The following TMTC4 variants were observed in gnomAD, a reference collection of about 807,000 sequenced individuals.
The protein encoded by TMTC4 is transmembrane O-mannosyltransferase targeting cadherins 4, also known as protein O-mannosyl-transferase TMTC4.
Under a neutral mutation model 86.0 loss-of-function variants are expected in TMTC4, and 65 were observed. The ratio of observed to expected loss-of-function variants is 0.76; its 90% CI spans 0.62 to 0.93. The LOEUF (loss-of-function observed/expected upper bound fraction) is 0.93. TMTC4 is among the 40% of genes least tolerant of loss of function. TMTC4 has a pLI of 0.00. For missense variants in TMTC4, 866 were observed against 948.1 expected, an observed-to-expected ratio of 0.91 and a Z score of 1.14; for synonymous variants, 379 against 382.5, an observed-to-expected ratio of 0.99 and a Z score of 0.11.
chr13:100,635,543 GAT>G (rs1317974983), intron 10 of TMTC4: 1 of 166,604 alleles, frequency 6.0e-6, no homozygotes, highest in African/African-American at 2.4e-5. Context: ...CAGTTCAGTG[GAT>G]ATTGTTGGTC....
At chr13:100,632,053 A>ACACACACACACACACACACT (rs1296569630) in intron 12 of TMTC4, among the ~76,000 whole-genome samples, 13 of 43,098 alleles carry the variant, frequency 3.0e-4, no homozygotes, top group African/African-American at 9.3e-4. Context: ...ACACACACAC[A>ACACACACACACACACACACT]CTCTCTCTCT....
chr13:100,664,555 A>C (rs925193930), intron 3 of TMTC4, among the ~76,000 whole-genome samples: 1 of 152,138 alleles, frequency 6.6e-6, no homozygotes, highest in African/African-American at 2.4e-5. Flanking sequence ...GATATGCTGA[A>C]GGGGCTGTTG....
Position 100,656,484 on chromosome 13 carries a change from A to C in TMTC4, c.553-16T>G. 6.3e-7 allele frequency: 1 copy of C among 1,591,146 alleles called. No individual in the cohort carries two copies. Among genetic ancestry groups the C allele is most frequent in the East Asian group, 2.2e-5 (1 of 44,538 alleles). On this transcript the variant is annotated splice_polypyrimidine_tract_variant and intron_variant, in intron 5 of 18. Coordinates refer to ENST00000342624, the MANE Select transcript of TMTC4 (RefSeq NM_032813.5). ...CACCAGCAACCTTAAAAAAGGGGGA[A>C]GAAAACAAAGAATTACATAAAACAC...
In TMTC4 at chr13:100,604,526, A is replaced by AT. The variant is rs1043131093; in HGVS notation, c.*467dup. ...CAGTATGTTGTTTTAAAAAAAAGAG[A>AT]TAAAAAAACTTAATTTGCTTTGTCA... On this transcript the variant is annotated 3_prime_UTR_variant, in exon 19 of 19. Coordinates refer to ENST00000342624, the MANE Select transcript of TMTC4 (RefSeq NM_032813.5). 1 of 152,332 alleles carries AT rather than the reference A, an allele frequency of 6.6e-6. No homozygotes were observed. Among genetic ancestry groups the AT allele is most frequent in the Non-Finnish European group, 1.5e-5 (1 of 68,134 alleles). The allele number at this position is 152,332 out of a possible 1,614,324, so 9.4% of individuals were successfully genotyped here. A position where few individuals can be genotyped will look rare whatever the true frequency, so the allele number is the denominator to read the frequency against.
intron 3 of TMTC4, among the ~76,000 whole-genome samples, chr13:100,666,656 T>C (rs908145639): frequency 6.6e-6 from 1 of 152,220 alleles, no homozygotes; most frequent in African/African-American, 2.4e-5. Flanking sequence ...ATTTAAATAA[T>C]AAAACTGTAG....
At chr13:100,646,670 G>A (rs186880152) in intron 6 of TMTC4, among the ~76,000 whole-genome samples, 9 of 152,290 alleles carry the variant, frequency 5.9e-5, no homozygotes, top group Middle Eastern at 6.8e-3. Flanking sequence ...CATGGAGCCC[G>A]GAAGTCAGGC....
Position 100,645,003 on chromosome 13 carries a change from C to T in TMTC4, c.641-2692G>A, listed in dbSNP as rs572004877. Among the ~76,000 whole-genome samples, 5 of 152,222 alleles carry T rather than the reference C, an allele frequency of 3.3e-5. No homozygotes were observed. The South Asian group carries it at 6.2e-4, about 19-fold the overall frequency. ...CTAATTTTTGTATTTTTAGTAGAGA[C>T]GGGGTTCACCATGTTGGCCAGTCTG... On this transcript the variant is annotated intron_variant, in intron 6 of 18. Coordinates refer to ENST00000342624, the MANE Select transcript of TMTC4 (RefSeq NM_032813.5).
chr13:100,635,131 G>C lies in TMTC4; in HGVS notation c.1267C>G (p.Arg423Gly), dbSNP rs780304481. 1.9e-6 allele frequency: 3 copies of C among 1,613,894 alleles called. No homozygotes were observed. In the African/African-American group the frequency reaches 4.0e-5, roughly 22 times the overall value. ...CGCTCTGCGACCACGAAGCCCACTCGGAAGAACAGGTTACTCGCGGGGAGA... is the reference window on the plus strand; with the variant it reads ...CGCTCTGCGACCACGAAGCCCACTCCGAAGAACAGGTTACTCGCGGGGAGA... Reference protein sequence around the residue: ...PFLPASNLFFRVGFVVAERVL... With the variant: ...PFLPASNLFFGVGFVVAERVL... The change falls in exon 11 of 19, where the codon CGA becomes GGA. Residue 423 changes from arginine to glycine, a missense_variant. Physicochemically the swap from Arg to Gly is moderately radical, Grantham distance 125. Transcript: ENST00000342624.
intron 7 of TMTC4, among the ~76,000 whole-genome samples, chr13:100,641,967 G>T (rs895437462): frequency 2.6e-5 from 4 of 152,194 alleles, no homozygotes; most frequent in African/African-American, 9.7e-5. Flanking sequence ...GGCTCCCTAA[G>T]AACTCCTCAT....
At chr13:100,632,051 A>ACT (rs1368407089) in intron 12 of TMTC4, among the ~76,000 whole-genome samples, 13 of 28,594 alleles carry the variant, frequency 4.5e-4, no homozygotes, top group South Asian at 1.2e-3. Context: ...ACACACACAC[A>ACT]CACTCTCTCT....
chr13:100,669,575 G>A (rs1268756075), intron 2 of TMTC4, among the ~76,000 whole-genome samples: 5 of 152,158 alleles, frequency 3.3e-5, no homozygotes, highest in Admixed American at 3.3e-4. Flanking sequence ...TGGGCATAAT[G>A]TTTCTCGCCG....
chr13:100,651,893 A>G (rs563850624), intron 6 of TMTC4, among the ~76,000 whole-genome samples: 1 of 152,348 alleles, frequency 6.6e-6, no homozygotes, highest in Non-Finnish European at 1.5e-5. Context: ...ATAAAAAATG[A>G]CTTGTCTACC....
intron 3 of TMTC4, 131 bp from the exon 4 acceptor site, chr13:100,664,467 T>C: frequency 1.7e-6 from 1 of 600,254 alleles, no homozygotes; most frequent in Non-Finnish European, 2.9e-6. Flanking sequence ...TTCTCTATGT[T>C]GATATCTCGA....
rs768815620 is a variant in TMTC4, at chr13:100,668,785, G to T, written c.13C>A (p.Gln5Lys). 1 of 1,614,062 alleles carries T rather than the reference G, an allele frequency of 6.2e-7. No homozygotes were observed. Among genetic ancestry groups the T allele is most frequent in the Non-Finnish European group, 8.5e-7 (1 of 1,179,974 alleles). The change falls in exon 3 of 19, where the codon CAG becomes AAG. Residue 5 changes from glutamine to lysine, a missense_variant. Transcript: ENST00000342624. Reference protein sequence around the residue: MIPNQHNAGAGSHQP... With the variant: MIPNKHNAGAGSHQP... ...TGGCTCCCGGCTCCAGCATTATGCT[G>T]GTTAGGAATCTGCAGGAAAAACAAC...
intron 7 of TMTC4, among the ~76,000 whole-genome samples, chr13:100,639,079 A>G (rs971700478): frequency 2.0e-5 from 3 of 152,184 alleles, no homozygotes; most frequent in Non-Finnish European, 4.4e-5. Context: ...TCCCTGCCCA[A>G]TCTGGATAAA....
Position 100,671,054 on chromosome 13 carries a change from C to T in TMTC4, c.-207-485G>A, listed in dbSNP as rs548356648. On this transcript the variant is annotated intron_variant, in intron 1 of 18. Transcript: ENST00000342624. Reference sequence around the variant, plus strand: ...TTAGAAAATTAAATGTGAAGGAAAACAAATAATTTATAGCAATTTTAAATG... The same window carrying T: ...TTAGAAAATTAAATGTGAAGGAAAATAAATAATTTATAGCAATTTTAAATG... Among the ~76,000 whole-genome samples the T allele has an allele frequency of 9.8e-5, 15 of 152,302 alleles. No individual in the cohort carries two copies. The South Asian group carries it at 2.5e-3, about 25-fold the overall frequency.
intron 9 of TMTC4, among the ~76,000 whole-genome samples, chr13:100,637,157 A>T (rs1417063041): frequency 6.6e-6 from 1 of 152,146 alleles, no homozygotes; most frequent in East Asian, 1.9e-4. Flanking sequence ...TTTAGAAAAA[A>T]GGCAAATCTA....
intron 17 of TMTC4, among the ~76,000 whole-genome samples, chr13:100,609,939 A>G (rs533045842): frequency 1.1e-4 from 17 of 152,330 alleles, no homozygotes; most frequent in Admixed American, 9.8e-4. Flanking sequence ...CACTCTGCAT[A>G]TCAACATCTC....
rs1239387958 is a variant in TMTC4, at chr13:100,668,631, C to G, written c.167G>C (p.Ser56Thr). 1 of 1,614,080 alleles carries G rather than the reference C, an allele frequency of 6.2e-7. No individual in the cohort carries two copies. The highest frequency in any genetic ancestry group is 1.7e-5 in the Admixed American group (1 of 60,002). ...GSVAIVCFAR[S>T]YDGDFVFDDS... is the part of the protein sequence containing the mutation. ...ATCAAAGACAAAGTCTCCATCATAG[C>G]TGCGTGCAAAACACACAATGGCAAC... is the stretch of plus-strand genomic sequence containing the variant. Residue 56 changes from serine to threonine, a missense_variant, in exon 3 of 19, where the codon AGC (serine) becomes ACC (threonine). Ser to Thr is a moderately conservative substitution (Grantham distance 58, BLOSUM62 1). Transcript: ENST00000342624.
Sources: allele counts gnomAD v4.1 joint callset (sites outside exome capture counted in the v4.1 genomes callset), GRCh38; gene constraint gnomAD v4.1.1; transcripts MANE v1.5; gene names NCBI Gene and HGNC (gene_info 2026-07-23, HGNC 2026-07-21).